The following DACH2 variants were observed in gnomAD, a reference collection of about 807,000 sequenced individuals.
The protein encoded by DACH2 is dachshund family transcription factor 2.
DACH2 carries 17 observed loss-of-function variants against 35.8 expected under a neutral mutation model. The observed-to-expected ratio is 0.48, with a 90% CI of 0.33 to 0.71. The LOEUF is 0.71. Among genes scored for constraint, DACH2 ranks in the 30% least tolerant of loss-of-function variants. The pLI is 0.02. For synonymous variants in DACH2, 195 were observed against 177.3 expected, an observed-to-expected ratio of 1.10 and a Z score of -0.79; for missense variants, 469 against 472.7, an observed-to-expected ratio of 0.99 and a Z score of 0.07.
intron 1 of DACH2, among the ~76,000 whole-genome samples, chrX:86,162,159 T>C (rs2030784487): frequency 1.8e-5 from 2 of 111,325 alleles, no homozygotes; most frequent in Non-Finnish European, 3.8e-5. Flanking sequence ...ATTCCTTTTT[T>C]TTGAGGTCTT....
intron 2 of DACH2, among the ~76,000 whole-genome samples, chrX:86,510,902 A>C (rs1020816020): frequency 8.9e-6 from 1 of 111,819 alleles, no homozygotes; most frequent in Non-Finnish European, 1.9e-5. Context: ...ATTATCATTT[A>C]ATTAAAGAGT....
chrX:86,207,773 G>T (rs1414135216), intron 1 of DACH2, among the ~76,000 whole-genome samples: 1 of 110,679 alleles, frequency 9.0e-6, no homozygotes. Flanking sequence ...CTAAAGTTTT[G>T]ACTTAAAACA....
At chrX:86,526,484 G>A (rs1490795739) in intron 3 of DACH2, among the ~76,000 whole-genome samples, 1 of 111,652 alleles carries the variant, frequency 9.0e-6, no homozygotes, top group South Asian at 3.7e-4. Flanking sequence ...TTCTGGCAAT[G>A]TCTAAAATCT....
intron 1 of DACH2, among the ~76,000 whole-genome samples, chrX:86,180,175 C>CATATATATATAT (rs1569292909): frequency 0.011 from 177 of 15,576 alleles, 8 homozygotes; most frequent in African/African-American, 0.041. Context: ...CATGCTAAAC[C>CATATATATATAT]GTATATATAT....
At chrX:86,154,418 G>C (rs1250043099) in intron 1 of DACH2, among the ~76,000 whole-genome samples, 2 of 111,263 alleles carry the variant, frequency 1.8e-5, no homozygotes, top group Non-Finnish European at 3.8e-5. Flanking sequence ...AAAAGCCTTT[G>C]GTTGCATTTA....
intron 2 of DACH2, among the ~76,000 whole-genome samples, chrX:86,511,218 G>C (rs747803523): frequency 9.0e-6 from 1 of 111,569 alleles, no homozygotes; most frequent in Non-Finnish European, 1.9e-5. Context: ...TGTCAGGTTC[G>C]TGTTCTTTAA....
intron 1 of DACH2, among the ~76,000 whole-genome samples, chrX:86,284,561 C>CT (rs1315874529): frequency 3.4e-4 from 36 of 105,507 alleles, no homozygotes; most frequent in African/African-American, 5.2e-4. Flanking sequence ...TTCTTTCTTT[C>CT]TTTTTTTTTT....
chrX:86,761,314 G>A (rs183836292), intron 7 of DACH2, among the ~76,000 whole-genome samples: 87 of 111,486 alleles, frequency 7.8e-4, no homozygotes, highest in Non-Finnish European at 8.1e-4. Context: ...CTGTTCCTGG[G>A]TTAGTTTGCT....
chrX:86,200,539 G>A (rs150881095), intron 1 of DACH2, among the ~76,000 whole-genome samples: 3,477 of 105,964 alleles, frequency 0.033, 138 homozygotes, highest in African/African-American at 0.11. Context: ...TCTGACAATT[G>A]TCTAATACAC....
At chrX:86,592,736 A>G (rs1282016739) in intron 3 of DACH2, among the ~76,000 whole-genome samples, 2 of 111,870 alleles carry the variant, frequency 1.8e-5, no homozygotes, top group African/African-American at 6.5e-5. Context: ...TATTTCTTAT[A>G]AATACTTTGT....
In DACH2 at chrX:86,788,272, T is replaced by G. The variant is rs138888738; in HGVS notation, c.1241-24584T>G. Among the ~76,000 whole-genome samples, 1,078 of 111,036 alleles carry G rather than the reference T, an allele frequency of 9.7e-3. 5 individuals are homozygous for G. The highest frequency in any genetic ancestry group is 0.013 in the Non-Finnish European group (710 of 53,016). On this transcript the variant is annotated intron_variant, in intron 7 of 11. Transcript: ENST00000373125. ...AGCTCCTGAGATCTCACTGGGAAGC[T>G]GCTGATCACCGGCTTCAGGTGTTTT...
chrX:86,271,855 G>A (rs1447302993), intron 1 of DACH2, among the ~76,000 whole-genome samples: 2 of 111,228 alleles, frequency 1.8e-5, no homozygotes, highest in African/African-American at 6.5e-5. Flanking sequence ...GTACAAATTT[G>A]TGGGGTACAA....
chrX:86,522,689 G>A (rs959285990), intron 3 of DACH2, among the ~76,000 whole-genome samples: 4 of 111,230 alleles, frequency 3.6e-5, no homozygotes, highest in African/African-American at 1.3e-4. Flanking sequence ...TTGAACTACT[G>A]ATATTCCCAT....
chrX:86,686,987 C>T (rs763821361), intron 4 of DACH2, among the ~76,000 whole-genome samples: 8 of 112,193 alleles, frequency 7.1e-5, no homozygotes, highest in Non-Finnish European at 1.3e-4. Flanking sequence ...ACATTTACTT[C>T]GTGAAACATA....
chrX:86,635,919 T>C (rs748147379), intron 3 of DACH2, among the ~76,000 whole-genome samples: 2 of 111,679 alleles, frequency 1.8e-5, no homozygotes, highest in Admixed American at 1.9e-4. Flanking sequence ...TACTCATGGA[T>C]AGAAATAAAT....
chrX:86,311,601 C>T (rs990492165), intron 1 of DACH2, among the ~76,000 whole-genome samples: 4 of 111,169 alleles, frequency 3.6e-5, no homozygotes, highest in African/African-American at 1.3e-4. Flanking sequence ...ACCATCACCA[C>T]TAGTGAGCCA....
rs963368910 is a variant in DACH2 at position 86,433,670 on chromosome X, G to T, written c.527+56808G>T. 2.7e-5 allele frequency among the ~76,000 whole-genome samples: 3 copies of T among 111,308 alleles called. No homozygotes were observed. The Admixed American group carries it at 2.9e-4, about 11-fold the overall frequency. Reference sequence around the variant, plus strand: ...AGGAACCATCCAGGCTGTAATTGTGGTAAGGAATACCTGGTTGAATTTCAC... The same window carrying T: ...AGGAACCATCCAGGCTGTAATTGTGTTAAGGAATACCTGGTTGAATTTCAC... On this transcript the variant is annotated intron_variant, in intron 2 of 11. Transcript: ENST00000373125.
At position 86,416,829 on chromosome X, in the gene DACH2, T is replaced by C. The variant is rs771793035; in HGVS notation, c.527+39967T>C. Reference sequence around the variant, plus strand: ...TCAATCAGGTCTTGGCCTGGTGTGGTGGCTCACGTCTGTAATCCCAGAACT... The same window carrying C: ...TCAATCAGGTCTTGGCCTGGTGTGGCGGCTCACGTCTGTAATCCCAGAACT... On this transcript the variant is annotated intron_variant, in intron 2 of 11. Coordinates refer to ENST00000373125, the MANE Select transcript of DACH2 (RefSeq NM_053281.3). 6.3e-5 allele frequency among the ~76,000 whole-genome samples: 7 copies of C among 110,347 alleles called. No homozygotes were observed. The East Asian group carries it at 2.0e-3, about 32-fold the overall frequency.
At chrX:86,765,802 T>G (rs1247345836) in intron 7 of DACH2, among the ~76,000 whole-genome samples, 1 of 100,485 alleles carries the variant, frequency 1.0e-5, no homozygotes, top group Non-Finnish European at 1.9e-5. Context: ...AAAATGGCAT[T>G]TTTTTTTATA....
Sources: allele counts gnomAD v4.1 joint callset (sites outside exome capture counted in the v4.1 genomes callset), GRCh38; gene constraint gnomAD v4.1.1; transcripts MANE v1.5; gene names NCBI Gene and HGNC (gene_info 2026-07-23, HGNC 2026-07-21).